The following CENPW variants were observed in gnomAD, a reference collection of about 807,000 sequenced individuals.
CENPW encodes centromere protein W, also known as cancer-up-regulated gene 2 protein.
A neutral mutation model predicts 11.1 loss-of-function variants in CENPW; 3 were observed. The ratio of observed to expected loss-of-function variants is 0.27; its 90% CI spans 0.12 to 0.70. The LOEUF (loss-of-function observed/expected upper bound fraction) is 0.70, where lower values mean the gene tolerates loss of function less well. Ranked by LOEUF, CENPW falls within the 30% of genes least tolerant of loss-of-function variation. The probability of loss-of-function intolerance (pLI) is 0.77; values close to 1 mark genes in which losing one functional copy is unlikely to be tolerated. For synonymous variants in CENPW, 38 were observed against 42.0 expected (o/e 0.91, Z 0.37); for missense variants, 100 against 105.6 (o/e 0.95, Z 0.23).
the CENPW span, among the ~76,000 whole-genome samples, chr6:126,428,355 A>T: frequency 1.1e-4 from 16 of 152,300 alleles, no homozygotes; most frequent in African/African-American, 3.8e-4. Flanking sequence ...ATGTATTTTA[A>T]TGTTATTTCA....
chr6:126,461,479 C>CA, the CENPW span, among the ~76,000 whole-genome samples: 1 of 151,566 alleles, frequency 6.6e-6, no homozygotes, highest in Admixed American at 6.6e-5. Context: ...TAAGCTATTT[C>CA]AAAAAAAGAG....
chr6:126,441,521 T>C, the CENPW span, among the ~76,000 whole-genome samples: 1 of 151,482 alleles, frequency 6.6e-6, no homozygotes, highest in Non-Finnish European at 1.5e-5. Flanking sequence ...ATGAATAAGT[T>C]TAGTGGTGAT....
chr6:126,347,484 C>T (rs1218444634), intron 2 of CENPW, among the ~76,000 whole-genome samples: 4 of 151,966 alleles, frequency 2.6e-5, no homozygotes, highest in South Asian at 2.1e-4. Flanking sequence ...ATATACTCAG[C>T]GTTTTGTAAA....
the CENPW span, among the ~76,000 whole-genome samples, chr6:126,431,522 A>C: frequency 5.3e-5 from 8 of 152,310 alleles, no homozygotes; most frequent in Admixed American, 2.0e-4. Context: ...ATTTTCAAGT[A>C]AAGTAAAAGA....
the CENPW span, among the ~76,000 whole-genome samples, chr6:126,445,532 T>A: frequency 6.6e-6 from 1 of 151,238 alleles, no homozygotes; most frequent in South Asian, 2.1e-4. Flanking sequence ...GGCAGGAGTC[T>A]ATACATTTAA....
the CENPW span, among the ~76,000 whole-genome samples, chr6:126,421,912 T>C: frequency 4.7e-3 from 718 of 152,266 alleles, 3 homozygotes; most frequent in African/African-American, 0.015. Flanking sequence ...GGTTATCTAA[T>C]GAGAGCTTCA....
chr6:126,346,352 TA>T, intron 2 of CENPW, 34 bp downstream of exon 2: 1 of 1,359,746 alleles, frequency 7.4e-7, no homozygotes. Flanking sequence ...GAGCAAGAAT[TA>T]AACTTCAAAA....
Position 126,340,356 on chromosome 6 carries a change from G to GA in CENPW, c.86dup (p.Lys30GlufsTer11). 2.5e-5 allele frequency: 40 copies of GA among 1,614,068 alleles called. No individual in the cohort carries two copies. Among genetic ancestry groups the GA allele is most frequent in the Non-Finnish European group, 3.2e-5 (38 of 1,179,996 alleles). The stretch of plus-strand genomic sequence containing the variant: ...GGCTTTCTAAAGCGAGTCTTCAAGC[G>GA]AAAGAAGCCTCAACTTCGTCTGGAG... On this transcript the variant is annotated frameshift_variant, in exon 1 of 3. Coordinates refer to ENST00000368328, the MANE Select transcript of CENPW (RefSeq NM_001012507.4). LOFTEE classifies it high-confidence loss of function.
At chr6:126,409,490 G>A in the CENPW span, among the ~76,000 whole-genome samples, 1 of 151,906 alleles carries the variant, frequency 6.6e-6, no homozygotes, top group Admixed American at 6.6e-5. Context: ...TCTAGATTAT[G>A]TATCCAAAGC....
chr6:126,458,446 T>C, the CENPW span, among the ~76,000 whole-genome samples: 2 of 151,408 alleles, frequency 1.3e-5, no homozygotes, highest in Admixed American at 6.6e-5. Context: ...ACTGAGAATA[T>C]TGAAACAATT....
At chr6:126,419,946 A>G in the CENPW span, among the ~76,000 whole-genome samples, 7 of 152,218 alleles carry the variant, frequency 4.6e-5, no homozygotes, top group Non-Finnish European at 7.3e-5. Context: ...CTTTTGGCAT[A>G]TAAGGTAACA....
chr6:126,358,176 C>A, the CENPW span, among the ~76,000 whole-genome samples: 1 of 152,050 alleles, frequency 6.6e-6, no homozygotes. Flanking sequence ...ATTGCCTTTT[C>A]CTATTTGAAT....
At chr6:126,389,658 CTGTGTGTG>C in the CENPW span, among the ~76,000 whole-genome samples, 1 of 149,234 alleles carries the variant, frequency 6.7e-6, no homozygotes, top group South Asian at 2.1e-4. Flanking sequence ...GACCTTTGCT[CTGTGTGTG>C]TGTGTGTGTG....
chr6:126,406,655 C>G, the CENPW span, among the ~76,000 whole-genome samples: 1 of 151,988 alleles, frequency 6.6e-6, no homozygotes, highest in Non-Finnish European at 1.5e-5. Context: ...AGTTCAAGAC[C>G]AGCCTGGCCA....
the CENPW span, among the ~76,000 whole-genome samples, chr6:126,379,979 T>G: frequency 6.6e-6 from 1 of 152,310 alleles, no homozygotes; most frequent in South Asian, 2.1e-4. Context: ...CAATCAAGGT[T>G]TGGCAGCTGA....
the CENPW span, among the ~76,000 whole-genome samples, chr6:126,395,412 T>C: frequency 1.3e-5 from 2 of 152,182 alleles, no homozygotes; most frequent in African/African-American, 4.8e-5. Context: ...TTTTGTTAAA[T>C]TTATCTCATA....
the CENPW span, among the ~76,000 whole-genome samples, chr6:126,374,280 T>C: frequency 3.3e-5 from 5 of 152,228 alleles, no homozygotes; most frequent in African/African-American, 1.2e-4. Context: ...ATAGATTTTT[T>C]TAAAGGCCGA....
the CENPW span, among the ~76,000 whole-genome samples, chr6:126,369,450 A>G: frequency 1.3e-5 from 2 of 152,068 alleles, no homozygotes; most frequent in Non-Finnish European, 2.9e-5. Context: ...ACATTTTTTT[A>G]AAGTTGTTGA....
the CENPW span, among the ~76,000 whole-genome samples, chr6:126,427,288 T>C: frequency 2.6e-5 from 4 of 152,192 alleles, no homozygotes; most frequent in African/African-American, 9.6e-5. Context: ...TAAGTAAAAA[T>C]AGGAGGTTAA....
Sources: gnomAD v4.1 joint callset for allele counts (sites outside exome capture counted in the v4.1 genomes callset) on GRCh38, gnomAD v4.1.1 for gene constraint, MANE v1.5 for transcripts, NCBI Gene and HGNC (gene_info 2026-07-23, HGNC 2026-07-21) for gene names.